The following VPS13B variants were observed in gnomAD, a reference collection of about 807,000 sequenced individuals.
The protein encoded by VPS13B is intermembrane lipid transfer protein VPS13B.
A neutral mutation model predicts 426.4 loss-of-function variants in VPS13B; 285 were observed. The ratio of observed to expected loss-of-function variants is 0.67; its 90% CI spans 0.61 to 0.74. The LOEUF (loss-of-function observed/expected upper bound fraction) is 0.74. Ranked by LOEUF, VPS13B falls within the 30% of genes least tolerant of loss-of-function variation. The pLI, the probability that VPS13B is intolerant of heterozygous loss-of-function variation, is 0.00. For missense variants in VPS13B, 4,537 were observed against 4,782.6 expected (o/e 0.95, Z 1.51); for synonymous variants, 1,676 against 1,676.4 (o/e 1.00, Z 0.01).
chr8:99,281,062 T>C (rs755434858), intron 19 of VPS13B, among the ~76,000 whole-genome samples: 2 of 152,142 alleles, frequency 1.3e-5, no homozygotes, highest in African/African-American at 2.4e-5. Flanking sequence ...ACTTGGGTGG[T>C]GGGGGATGGT....
chr8:99,536,559 A>T (rs1185659674), intron 30 of VPS13B: 1 of 488,596 alleles, frequency 2.0e-6, no homozygotes, highest in Admixed American at 2.2e-5. Context: ...CATTTGTACA[A>T]CATAGAGTGC....
chr8:99,343,716 C>T (rs1811376922), intron 19 of VPS13B, among the ~76,000 whole-genome samples: 1 of 152,084 alleles, frequency 6.6e-6, no homozygotes, highest in Admixed American at 6.5e-5. Context: ...GCAACAACAA[C>T]AAAAGTAGGT....
At chr8:99,497,204 AT>A (rs1256114323) in intron 25 of VPS13B, among the ~76,000 whole-genome samples, 1 of 141,494 alleles carries the variant, frequency 7.1e-6, no homozygotes, top group Non-Finnish European at 1.5e-5. Context: ...GTATTTATAT[AT>A]TTAATATATA....
At chr8:99,409,991 A>G (rs1815543684) in intron 21 of VPS13B, among the ~76,000 whole-genome samples, 1 of 152,196 alleles carries the variant, frequency 6.6e-6, no homozygotes, top group African/African-American at 2.4e-5. Context: ...GCAAAGGCAT[A>G]CAGAGTGGTA....
intron 3 of VPS13B, among the ~76,000 whole-genome samples, chr8:99,045,061 G>A (rs187955540): frequency 1.6e-3 from 237 of 152,238 alleles, no homozygotes; most frequent in African/African-American, 5.3e-3. Context: ...TTTCCACTGC[G>A]TAGATACCCA....
At chr8:99,708,553 G>C (rs934234907) in intron 36 of VPS13B, among the ~76,000 whole-genome samples, 2 of 152,038 alleles carry the variant, frequency 1.3e-5, no homozygotes, top group African/African-American at 4.8e-5. Context: ...TTACTTACCA[G>C]TAAGGACTAA....
chr8:99,842,651 T>A (rs770908467), intron 54 of VPS13B, among the ~76,000 whole-genome samples: 1 of 152,146 alleles, frequency 6.6e-6, no homozygotes, highest in Non-Finnish European at 1.5e-5. Flanking sequence ...CACTATTTTC[T>A]TTGTCACCTT....
chr8:99,210,944 C>T (rs974501373), intron 17 of VPS13B, among the ~76,000 whole-genome samples: 5 of 152,066 alleles, frequency 3.3e-5, no homozygotes, highest in African/African-American at 1.2e-4. Context: ...ATTGGTATGG[C>T]GTTCTTGGGC....
chr8:99,506,225 T>A (rs1000115546), intron 27 of VPS13B, among the ~76,000 whole-genome samples: 2 of 152,214 alleles, frequency 1.3e-5, no homozygotes, highest in Non-Finnish European at 2.9e-5. Flanking sequence ...ATCTCACAGA[T>A]GATTATTATG....
chr8:99,857,789 A>G (rs1231577666), intron 56 of VPS13B, among the ~76,000 whole-genome samples: 1 of 152,174 alleles, frequency 6.6e-6, no homozygotes, highest in African/African-American at 2.4e-5. Context: ...ATTTGAAGGG[A>G]GAGAATACTT....
chr8:99,655,798 C>T (rs1472666460), intron 34 of VPS13B, among the ~76,000 whole-genome samples: 1 of 152,178 alleles, frequency 6.6e-6, no homozygotes, highest in African/African-American at 2.4e-5. Flanking sequence ...GAGTTGGCTG[C>T]ACTGAATCAT....
chr8:99,025,399 C>T (rs527864116), intron 2 of VPS13B, among the ~76,000 whole-genome samples: 1 of 152,272 alleles, frequency 6.6e-6, no homozygotes, highest in African/African-American at 2.4e-5. Context: ...CCCATTCTTG[C>T]ATTCCTGGGA....
chr8:99,558,724 A>G (rs1336936181), intron 31 of VPS13B, among the ~76,000 whole-genome samples: 2 of 152,174 alleles, frequency 1.3e-5, no homozygotes, highest in African/African-American at 4.8e-5. Flanking sequence ...CCATGTCCCT[A>G]CAAAGGACGT....
intron 19 of VPS13B, among the ~76,000 whole-genome samples, chr8:99,381,158 T>A (rs570792088): frequency 6.6e-6 from 1 of 152,330 alleles, no homozygotes; most frequent in African/African-American, 2.4e-5. Context: ...ATGTGGTATT[T>A]TGTTTTCTGT....
intron 42 of VPS13B, among the ~76,000 whole-genome samples, chr8:99,781,862 CT>C (rs1812038874): frequency 1.3e-5 from 2 of 152,084 alleles, no homozygotes; most frequent in African/African-American, 4.8e-5. Flanking sequence ...AATCATATCC[CT>C]TTCTTCATGT....
rs141638933 is a variant in VPS13B at position 99,192,919 on chromosome 8, C to G, written c.2377C>G (p.Leu793Val). The change falls in exon 17 of 62, where the codon CTT becomes GTT. Residue 793 changes from leucine (L) to valine (V), a missense_variant. Around this residue, in one of 2 missense-constraint regions of VPS13B, gnomAD observed 4,311 missense variants for 4,474.3 expected, o/e 0.96. Transcript: ENST00000357162. Reference sequence around the variant, plus strand: ...TGCTATAACTGAAGGTATATTTGAACTTCCAAATCTCACAATTCAAGCTAC... The same window carrying G: ...TGCTATAACTGAAGGTATATTTGAAGTTCCAAATCTCACAATTCAAGCTAC... ...QIAITEGIFE[L>V]PNLTIQATRA... is the part of the protein sequence containing the mutation. The G allele has an allele frequency of 3.0e-5, 48 of 1,613,466 alleles. No homozygotes were observed. In the African/African-American group the frequency reaches 5.7e-4, roughly 19 times the overall value.
intron 24 of VPS13B, among the ~76,000 whole-genome samples, chr8:99,475,238 C>G (rs1203870367): frequency 6.6e-6 from 1 of 152,046 alleles, no homozygotes; most frequent in Non-Finnish European, 1.5e-5. Flanking sequence ...AGGAAGAGGA[C>G]ATATTACAAA....
chr8:99,187,598 A>T lies in VPS13B; in HGVS notation c.2334-5278A>T, dbSNP rs796667310. Among the ~76,000 whole-genome samples the T allele has an allele frequency of 5.3e-4, 81 of 152,252 alleles. 1 individual carries two copies. The highest frequency in any genetic ancestry group is 3.4e-3 in the Middle Eastern group (1 of 294). On this transcript the variant is annotated intron_variant, in intron 16 of 61. Transcript: ENST00000357162. ...GTAGTGTCACATGTTGCTATTAAGG[A>T]TTTGAAAGTTGTTGGATGGGATAGT...
chr8:99,290,105 G>A (rs1172772673), intron 19 of VPS13B, among the ~76,000 whole-genome samples: 1 of 151,914 alleles, frequency 6.6e-6, no homozygotes, highest in Non-Finnish European at 1.5e-5. Flanking sequence ...CTTGGTGCTG[G>A]AACCTTATGA....
Sources: allele counts gnomAD v4.1 joint callset (sites outside exome capture counted in the v4.1 genomes callset), GRCh38; gene constraint gnomAD v4.1.1; regional missense constraint gnomAD v4.1.1; transcripts MANE v1.5; gene names NCBI Gene and HGNC (gene_info 2026-07-23, HGNC 2026-07-21).